Variants in ERICH2 observed in about 807,000 individuals in gnomAD.
ERICH2 encodes the protein glutamate-rich protein 2.
Under a neutral mutation model 17.4 loss-of-function variants are expected in ERICH2, and 17 were observed. That is an observed-to-expected ratio of 0.98 (90% CI 0.67 to 1.47). ERICH2 has a LOEUF of 1.47. ERICH2 is among the 40% of genes most tolerant of loss of function. The probability of loss-of-function intolerance (pLI) is 0.00; values close to 1 mark genes in which losing one functional copy is unlikely to be tolerated. For synonymous variants in ERICH2, 51 were observed against 61.1 expected (o/e 0.83, Z 0.77); for missense variants, 186 against 183.2 (o/e 1.01, Z -0.09).
intron 2 of ERICH2, among the ~76,000 whole-genome samples, chr2:170,787,089 G>C (rs146256657): frequency 6.6e-6 from 1 of 151,890 alleles, no homozygotes; most frequent in Non-Finnish European, 1.5e-5. Flanking sequence ...GCTTTGCCAG[G>C]CTGGAGTGCA....
At chr2:170,781,401 C>T (rs747803360), upstream of ERICH2, among the ~76,000 whole-genome samples, 3 of 151,846 alleles carry the variant, frequency 2.0e-5, no homozygotes, top group Non-Finnish European at 2.9e-5. Flanking sequence ...TTTGGAAGGC[C>T]GAGGTGGGTG....
chr2:170,790,699 G>A (rs1575409847), intron 2 of ERICH2, among the ~76,000 whole-genome samples: 1 of 151,608 alleles, frequency 6.6e-6, no homozygotes, highest in East Asian at 1.9e-4. Context: ...AGCTTCTCAG[G>A]AGGCTGAGGC....
intron 2 of ERICH2, among the ~76,000 whole-genome samples, chr2:170,789,287 A>G (rs1444378499): frequency 1.3e-5 from 2 of 152,154 alleles, no homozygotes; most frequent in African/African-American, 4.8e-5. Flanking sequence ...TCTGACTGAA[A>G]TACTTGAAAT....
At chr2:170,794,987 T>C (rs758347084) in intron 3 of ERICH2, among the ~76,000 whole-genome samples, 1 of 152,224 alleles carries the variant, frequency 6.6e-6, no homozygotes, top group African/African-American at 2.4e-5. Flanking sequence ...CCCACAAATA[T>C]AGAATTTTTT....
chr2:170,791,527 T>TAAAAAAAA (rs10658304), intron 2 of ERICH2, among the ~76,000 whole-genome samples: 45,291 of 121,098 alleles, frequency 0.37, 8,524 homozygotes, highest in Admixed American at 0.47. Flanking sequence ...CCGTCTCTAC[T>TAAAAAAAA]AAAAAAAAAA....
rs577908651 is a variant in ERICH2, at chr2:170,798,402, A to T, written c.346+290A>T. Among the ~76,000 whole-genome samples, 34 of 152,224 alleles carry T rather than the reference A, an allele frequency of 2.2e-4. 1 individual carries two copies. Among genetic ancestry groups the T allele is most frequent in the Non-Finnish European group, 5.9e-5 (4 of 68,040 alleles). ...CGGCTGCGTGTTAAAGGAATTACCC[A>T]CAATTCCAAGGGAAGCCACACCCTC... On this transcript the variant is annotated intron_variant, in intron 4 of 4. Coordinates refer to ENST00000409885, the Ensembl canonical transcript of ERICH2.
Position 170,783,848 on chromosome 2 carries a change from G to A in ERICH2, c.10G>A (p.Val4Ile), listed in dbSNP as rs1228723775. 2.6e-6 allele frequency: 4 copies of A among 1,550,526 alleles called. No individual in the cohort carries two copies. The South Asian group carries it at 3.6e-5, about 14-fold the overall frequency. ...GGGTGGTTGTGAGCTGATGGAGACT[G>A]TAAATGAACCAGAAACAGGTAGACA... Residue 4 changes from valine to isoleucine, a missense_variant, in exon 1 of 5, where the codon GTA becomes ATA. Transcript: ENST00000409885.
chr2:170,777,886 A>T, the ERICH2 span: 14 of 392,594 alleles, frequency 3.6e-5, no homozygotes, highest in Admixed American at 5.3e-4. Context: ...ATAAAAATGC[A>T]GAAGTATAGA....
At chr2:170,795,401 G>C (rs1032708038) in intron 3 of ERICH2, among the ~76,000 whole-genome samples, 1 of 152,158 alleles carries the variant, frequency 6.6e-6, no homozygotes, top group Non-Finnish European at 1.5e-5. Context: ...AGGCTGGAGT[G>C]CAGTGGTGTG....
intron 2 of ERICH2, among the ~76,000 whole-genome samples, chr2:170,785,500 A>G (rs571211457): frequency 6.6e-6 from 1 of 152,274 alleles, no homozygotes; most frequent in Non-Finnish European, 1.5e-5. Flanking sequence ...CTGGGGATAT[A>G]GAAATAAATA....
chr2:170,780,865 T>A (rs192196975), upstream of ERICH2, among the ~76,000 whole-genome samples: 2 of 152,356 alleles, frequency 1.3e-5, no homozygotes, highest in Admixed American at 1.3e-4. Context: ...TAGTAATCAC[T>A]AGTGTGGTGA....
intron 2 of ERICH2, among the ~76,000 whole-genome samples, chr2:170,785,580 T>C (rs936809662): frequency 2.1e-5 from 3 of 144,082 alleles, no homozygotes; most frequent in Non-Finnish European, 4.8e-5. Context: ...AAATGTATGC[T>C]AGTAACAAAA....
chr2:170,773,977 C>T, the ERICH2 span, among the ~76,000 whole-genome samples: 6 of 152,294 alleles, frequency 3.9e-5, no homozygotes, highest in African/African-American at 1.2e-4. Flanking sequence ...TGGCCTCGAC[C>T]TCCCAAAGTG....
chr2:170,778,548 A>C, the ERICH2 span, among the ~76,000 whole-genome samples: 3 of 152,022 alleles, frequency 2.0e-5, no homozygotes, highest in African/African-American at 7.2e-5. Context: ...TATATAATAC[A>C]TGTTTTTATA....
At chr2:170,782,574 A>T (rs1220059633), upstream of ERICH2, among the ~76,000 whole-genome samples, 1 of 152,250 alleles carries the variant, frequency 6.6e-6, no homozygotes, top group Non-Finnish European at 1.5e-5. Context: ...GATATGCATT[A>T]CATAAGATGG....
At chr2:170,783,679 T>A, upstream of ERICH2, 1 of 1,063,162 alleles carries the variant, frequency 9.4e-7, no homozygotes, top group Non-Finnish European at 1.4e-6. Context: ...ATCAGGAAAC[T>A]TCTCTCATGC....
chr2:170,787,159 A>T (rs1197367715), intron 2 of ERICH2, among the ~76,000 whole-genome samples: 4 of 152,046 alleles, frequency 2.6e-5, no homozygotes, highest in African/African-American at 9.7e-5. Context: ...GGCTCAAGCA[A>T]TCCTGCCTCA....
At chr2:170,791,823 T>A (rs908730999) in intron 2 of ERICH2, among the ~76,000 whole-genome samples, 67 of 151,766 alleles carry the variant, frequency 4.4e-4, no homozygotes, top group Middle Eastern at 3.2e-3. Context: ...AGAAATAAAA[T>A]TTTTTTTAAC....
intron 1 of ERICH2, chr2:170,783,877 G>A: frequency 2.6e-6 from 4 of 1,550,490 alleles, no homozygotes; most frequent in Non-Finnish European, 3.5e-6. Context: ...GTAGACAGAT[G>A]GCCTGAATAA....
Sources: allele counts gnomAD v4.1 joint callset (sites outside exome capture counted in the v4.1 genomes callset), GRCh38; gene constraint gnomAD v4.1.1; transcripts MANE v1.5; gene names NCBI Gene and HGNC (gene_info 2026-07-23, HGNC 2026-07-21).